TBC1D9B: variants seen among roughly 807,000 people sequenced by gnomAD.
TBC1D9B encodes TBC1 domain family, member 9B (with GRAM domain).
TBC1D9B carries 87 observed loss-of-function variants against 121.1 expected under a neutral mutation model. The ratio of observed to expected loss-of-function variants is 0.72; its 90% CI spans 0.60 to 0.86. The LOEUF (loss-of-function observed/expected upper bound fraction) is 0.86. Ranked by LOEUF, TBC1D9B falls within the 40% of genes least tolerant of loss-of-function variation. The pLI, the probability that TBC1D9B is intolerant of heterozygous loss-of-function variation, is 0.00. For missense variants in TBC1D9B, 1,540 were observed against 1,628.6 expected (o/e 0.95, Z 0.94); for synonymous variants, 668 against 670.1 (o/e 1.00, Z 0.05).
intron 2 of TBC1D9B, among the ~76,000 whole-genome samples, chr5:179,901,083 A>G (rs1344613416): frequency 6.6e-6 from 1 of 152,188 alleles, no homozygotes; most frequent in Non-Finnish European, 1.5e-5. Context: ...TGACCTAAGA[A>G]GCAAGGCCAC....
intron 2 of TBC1D9B, among the ~76,000 whole-genome samples, chr5:179,903,030 AC>A (rs1236109016): frequency 1.3e-5 from 2 of 151,866 alleles, no homozygotes; most frequent in South Asian, 2.1e-4. Context: ...TACTTCCTTG[AC>A]CCTTCCCCTC....
chr5:179,904,922 C>T lies in TBC1D9B; in HGVS notation c.119-110G>A. 1.3e-6 allele frequency: 1 copy of T among 799,270 alleles called. No individual in the cohort carries two copies. The highest frequency in any genetic ancestry group is 1.9e-6 in the Non-Finnish European group (1 of 517,664). The allele number at this position is 799,270 out of a possible 1,614,324, so 49.5% of individuals were successfully genotyped here. On this transcript the variant is annotated intron_variant, in intron 1 of 20. Transcript: ENST00000355235. This position sits in a 1 kb window ranked among gnomAD's most constrained non-coding sequence, Gnocchi z 4.2. ...GGATGGTGACGCTACCCAAAGGGTC[C>T]AGCCCAACGAGGGAAACGTCCGGAA...
At position 179,879,737 on chromosome 5, in the gene TBC1D9B, G is replaced by GT; in HGVS notation, c.1306_1307insA (p.Pro436HisfsTer76). ...ACAGAAGCTCTGGCGGCTGCTGAGG[G>GT]GAGAGGCTGGGCTGGCGGGCTGCTC... On this transcript the variant is annotated frameshift_variant, in exon 8 of 21. Coordinates refer to ENST00000355235, the MANE Select transcript of TBC1D9B (RefSeq NM_015043.4). LOFTEE classifies it high-confidence loss of function. 2 of 1,614,088 alleles carry GT rather than the reference G, an allele frequency of 1.2e-6. No individual in the cohort carries two copies. The highest frequency in any genetic ancestry group is 1.7e-6 in the Non-Finnish European group (2 of 1,180,006).
chr5:179,864,434 G>A (rs549484838), intron 20 of TBC1D9B, among the ~76,000 whole-genome samples: 5 of 152,300 alleles, frequency 3.3e-5, no homozygotes, highest in Admixed American at 2.0e-4. Flanking sequence ...TTTCTACCAC[G>A]ACTCTAAATC....
At chr5:179,878,199 TTCCTTGGGACACAAGG>T (rs1359326070) in intron 10 of TBC1D9B, 94 bp downstream of exon 10, 2 of 1,152,864 alleles carry the variant, frequency 1.7e-6, no homozygotes, top group Non-Finnish European at 2.4e-6. Flanking sequence ...GCTGGGCTCC[TTCCTTGGGACACAAGG>T]CAGGGTCACC....
intron 3 of TBC1D9B, among the ~76,000 whole-genome samples, chr5:179,895,902 G>C (rs760290909): frequency 6.6e-6 from 1 of 152,172 alleles, no homozygotes; most frequent in Non-Finnish European, 1.5e-5. Flanking sequence ...TTGAGCTGAA[G>C]GCAATTAAGT....
At chr5:179,871,738 G>T (rs1382803043) in intron 14 of TBC1D9B, 12 of 534,008 alleles carry the variant, frequency 2.2e-5, no homozygotes, top group Non-Finnish European at 3.7e-5. Flanking sequence ...TCACACTCCG[G>T]GCTCCTTTCC....
In TBC1D9B at chr5:179,892,586, G is replaced by A. The variant is rs557896179; in HGVS notation, c.836+623C>T. ...CTGCTATGATGTGTTCCTGCCTATC[G>A]GTCCCCTGGACAGGGCAGCAGGGAA... On this transcript the variant is annotated intron_variant, in intron 5 of 20. Coordinates refer to ENST00000355235, the MANE Select transcript of TBC1D9B (RefSeq NM_015043.4). 1.8e-3 allele frequency among the ~76,000 whole-genome samples: 269 copies of A among 152,310 alleles called. 10 individuals carry two copies. In the South Asian group the frequency reaches 0.054, roughly 31 times the overall value.
chr5:179,881,905 G>A (rs1157986185), intron 7 of TBC1D9B, among the ~76,000 whole-genome samples: 1 of 150,394 alleles, frequency 6.6e-6, no homozygotes, highest in Non-Finnish European at 1.5e-5. Flanking sequence ...AAGGCAATCA[G>A]TGAGCTTATT....
chr5:179,878,361 C>T lies in TBC1D9B; in HGVS notation c.1730G>A (p.Arg577Gln), dbSNP rs753121786. The T allele has an allele frequency of 7.4e-6, 12 of 1,613,930 alleles. No homozygotes were observed. Among genetic ancestry groups the T allele is most frequent in the South Asian group, 3.3e-5 (3 of 91,014 alleles). ...GAAGGCATAGGCAGTCAGCACCCGC[C>T]GGAGGGCAGCAATCCCCAGCTCGTT... ...FQNELGIAALRRVLTAYAFRN... is the reference protein window; with the variant it reads ...FQNELGIAALQRVLTAYAFRN... The change falls in exon 10 of 21, where the codon CGG becomes CAG. Residue 577 changes from arginine to glutamine, a missense_variant. Physicochemically the swap from Arg to Gln is conservative, Grantham distance 43. Transcript: ENST00000355235.
Position 179,904,257 on chromosome 5 carries a change from C to G in TBC1D9B, c.229+445G>C, listed in dbSNP as rs907316327. On this transcript the variant is annotated intron_variant, in intron 2 of 20. Coordinates refer to ENST00000355235, the MANE Select transcript of TBC1D9B (RefSeq NM_015043.4). The surrounding 1 kb of genome is among the most constrained non-coding windows in gnomAD (Gnocchi z 4.2). ...TTTTTTTTTTTGAGACGGAATCTCG[C>G]TGTGTCGCCCAGGCTGGAGTGCAGT... 8.9e-5 allele frequency among the ~76,000 whole-genome samples: 12 copies of G among 134,720 alleles called. No homozygotes were observed. The highest frequency in any genetic ancestry group is 3.8e-4 in the African/African-American group (12 of 31,560). The allele number at this position is 134,720 out of a possible 152,430, so 88.4% of individuals were successfully genotyped here. A position where few individuals can be genotyped will look rare whatever the true frequency, so the allele number is the denominator to read the frequency against.
In TBC1D9B at chr5:179,904,656, C is replaced by A; in HGVS notation, c.229+46G>T. ...CCCCTTCCTCTCGGCAACGGCCCTT[C>A]CAGGGCAGGCCCTGCCCAGCACCCC... On this transcript the variant is annotated intron_variant, in intron 2 of 20. Coordinates refer to ENST00000355235, the MANE Select transcript of TBC1D9B (RefSeq NM_015043.4). This position sits in a 1 kb window ranked among gnomAD's most constrained non-coding sequence, Gnocchi z 4.2. The A allele has an allele frequency of 6.6e-7, 1 of 1,512,090 alleles. No individual in the cohort carries two copies. Among genetic ancestry groups the A allele is most frequent in the African/African-American group, 1.4e-5 (1 of 72,262 alleles). 93.7% of individuals were successfully genotyped at this position (1,512,090 alleles called of 1,614,324 possible). A position where few individuals can be genotyped will look rare whatever the true frequency, so the allele number is the denominator to read the frequency against.
At chr5:179,880,462 T>A (rs1356427938) in intron 7 of TBC1D9B, among the ~76,000 whole-genome samples, 1 of 152,182 alleles carries the variant, frequency 6.6e-6, no homozygotes, top group East Asian at 1.9e-4. Flanking sequence ...GGCTCTGGCC[T>A]GGGCTGGGCT....
In TBC1D9B at chr5:179,902,871, C is replaced by A. The variant is rs1761200814; in HGVS notation, c.229+1831G>T. On this transcript the variant is annotated intron_variant, in intron 2 of 20. Coordinates refer to ENST00000355235, the MANE Select transcript of TBC1D9B (RefSeq NM_015043.4). The surrounding 1 kb of genome is among the most constrained non-coding windows in gnomAD (Gnocchi z 4.9). ...GAGATCGGGGGTCTAACTGGGCTTC[C>A]CTGCTTGGCCTTGGACAAACTCCCC... 6.6e-6 allele frequency among the ~76,000 whole-genome samples: 1 copy of A among 151,792 alleles called. No homozygotes were observed. Among genetic ancestry groups the A allele is most frequent in the Non-Finnish European group, 1.5e-5 (1 of 68,036 alleles).
rs1442387806 is a variant in TBC1D9B at position 179,907,645 on chromosome 5, A to C, written c.118+59T>G. ...CCGGACCCGCCCGCCGCCCGCCGCC[A>C]GCCCCGCCGCCAGCCCAGCCGCGGC... On this transcript the variant is annotated intron_variant, in intron 1 of 20. Coordinates refer to ENST00000355235, the MANE Select transcript of TBC1D9B (RefSeq NM_015043.4). This position sits in a 1 kb window ranked among gnomAD's most constrained non-coding sequence, Gnocchi z 5.3. 5.8e-6 allele frequency: 5 copies of C among 857,538 alleles called. No homozygotes were observed. In the African/African-American group the frequency reaches 7.6e-5, roughly 13 times the overall value. The allele number at this position is 857,538 out of a possible 1,614,324, so 53.1% of individuals were successfully genotyped here.
rs2113612702 is a variant in TBC1D9B, at chr5:179,874,260, A to ATGCAGGCAGGTCAGAGTCG, written c.2186+641_2186+642insCGACTCTGACCTGCCTGCA. 6.6e-6 allele frequency among the ~76,000 whole-genome samples: 1 copy of ATGCAGGCAGGTCAGAGTCG among 152,234 alleles called. No homozygotes were observed. Among genetic ancestry groups the ATGCAGGCAGGTCAGAGTCG allele is most frequent in the African/African-American group, 2.4e-5 (1 of 41,552 alleles). On this transcript the variant is annotated intron_variant, in intron 12 of 20. Transcript: ENST00000355235. The surrounding 1 kb of genome is among the most constrained non-coding windows in gnomAD (Gnocchi z 4.3). ...GGCAGGGCCAGGTCTGATCAGAGTC[A>ATGCAGGCAGGTCAGAGTCG]TGGGATGCAGGCAGGTCAAAGACTG... is the stretch of plus-strand genomic sequence containing the variant.
intron 14 of TBC1D9B, chr5:179,872,691 A>G: frequency 1.7e-6 from 1 of 584,610 alleles, no homozygotes; most frequent in Non-Finnish European, 3.0e-6. Context: ...CACATCCACC[A>G]GCAGAGAAAA....
Position 179,902,087 on chromosome 5 carries a change from C to A in TBC1D9B, c.229+2615G>T, listed in dbSNP as rs1242084399. Among the ~76,000 whole-genome samples, 3 of 152,264 alleles carry A rather than the reference C, an allele frequency of 2.0e-5. No individual in the cohort carries two copies. Among genetic ancestry groups the A allele is most frequent in the African/African-American group, 7.2e-5 (3 of 41,472 alleles). On this transcript the variant is annotated intron_variant, in intron 2 of 20. Transcript: ENST00000355235. This position sits in a 1 kb window ranked among gnomAD's most constrained non-coding sequence, Gnocchi z 4.9. ...CAAATCAGAATCCTAACCCTGGGTG[C>A]CTGGCTGCAGAGCCTGCCCTCACCC... is the stretch of plus-strand genomic sequence containing the variant.
chr5:179,884,695 A>G (rs1760628501), intron 7 of TBC1D9B, among the ~76,000 whole-genome samples: 1 of 152,226 alleles, frequency 6.6e-6, no homozygotes, highest in Non-Finnish European at 1.5e-5. Flanking sequence ...AGAAATCTTG[A>G]GCACGCTACA....
Sources: gnomAD v4.1 joint callset for allele counts (sites outside exome capture counted in the v4.1 genomes callset) on GRCh38, gnomAD v4.1.1 for gene constraint, Gnocchi (gnomAD v3.1) non-coding constraint, MANE v1.5 for transcripts, NCBI Gene and HGNC (gene_info 2026-07-23, HGNC 2026-07-21) for gene names.